TSGA10: variants seen among roughly 807,000 people sequenced by gnomAD.
The protein encoded by TSGA10 is testis-specific gene 10 protein.
Under a neutral mutation model 96.6 loss-of-function variants are expected in TSGA10, and 43 were observed. The ratio of observed to expected loss-of-function variants is 0.44; its 90% CI spans 0.35 to 0.57. The LOEUF (loss-of-function observed/expected upper bound fraction) is 0.57. TSGA10 is among the 20% of genes least tolerant of loss of function. TSGA10 has a pLI of 0.01. For missense variants in TSGA10, 703 were observed against 834.4 expected (o/e 0.84, Z 1.94); for synonymous variants, 229 against 269.9 (o/e 0.85, Z 1.48).
chr2:99,085,600 T>G (rs1455909509), intron 10 of TSGA10, among the ~76,000 whole-genome samples: 2 of 60,162 alleles, frequency 3.3e-5, no homozygotes, highest in East Asian at 6.3e-4. Flanking sequence ...CAGAGGGCAA[T>G]CCTGTCTTTA....
intron 11 of TSGA10, among the ~76,000 whole-genome samples, chr2:99,079,859 A>G (rs1207660300): frequency 6.6e-6 from 1 of 152,184 alleles, no homozygotes; most frequent in East Asian, 1.9e-4. Flanking sequence ...ATGGGAGATA[A>G]TACCATATTG....
chr2:99,133,408 C>T (rs2093186875), intron 1 of TSGA10, among the ~76,000 whole-genome samples: 1 of 151,980 alleles, frequency 6.6e-6, no homozygotes, highest in African/African-American at 2.4e-5. Flanking sequence ...GAACTGCAAC[C>T]CCTGCTTTTT....
intron 16 of TSGA10, among the ~76,000 whole-genome samples, chr2:99,045,647 C>T (rs2082691358): frequency 6.6e-6 from 1 of 152,144 alleles, no homozygotes; most frequent in South Asian, 2.1e-4. Context: ...TTGTAAAGAC[C>T]ATTGATGCTA....
chr2:98,998,284 A>G (rs1242722737), intron 20 of TSGA10, 63 bp from the exon 21 acceptor site: 5 of 1,376,210 alleles, frequency 3.6e-6, no homozygotes, highest in Admixed American at 2.0e-5. Flanking sequence ...ATGTGTAACA[A>G]ATTTATTCTA....
Position 98,997,975 on chromosome 2 carries a change from A to G in TSGA10, c.*222T>C. 2.2e-6 allele frequency: 1 copy of G among 454,630 alleles called. No homozygotes were observed. The highest frequency in any genetic ancestry group is 3.9e-6 in the Non-Finnish European group (1 of 258,078). 28.2% of individuals were successfully genotyped at this position (454,630 alleles called of 1,614,324 possible). On this transcript the variant is annotated 3_prime_UTR_variant, in exon 21 of 21. Transcript: ENST00000393483. ...GAAGTAAGCAGATTTTACACTCACT[A>G]TCACTGCATGGATAGAAAGAGCCAT...
intron 16 of TSGA10, among the ~76,000 whole-genome samples, chr2:99,042,518 C>T (rs976895222): frequency 6.6e-6 from 1 of 152,146 alleles, no homozygotes; most frequent in Non-Finnish European, 1.5e-5. Flanking sequence ...TGTAACATGG[C>T]TTGAAGCTGG....
chr2:99,035,827 T>C (rs546641021), intron 16 of TSGA10, among the ~76,000 whole-genome samples: 94 of 152,258 alleles, frequency 6.2e-4, no homozygotes, highest in Admixed American at 1.8e-3. Context: ...AAAACAAAAA[T>C]GCTAGCCACT....
chr2:99,115,231 C>T (rs2092155687), intron 4 of TSGA10, among the ~76,000 whole-genome samples: 1 of 151,960 alleles, frequency 6.6e-6, no homozygotes, highest in African/African-American at 2.4e-5. Context: ...CCATGCTTGG[C>T]CCAATTTTGA....
At chr2:99,098,219 C>T (rs2090280091) in intron 10 of TSGA10, among the ~76,000 whole-genome samples, 1 of 151,754 alleles carries the variant, frequency 6.6e-6, no homozygotes, top group Non-Finnish European at 1.5e-5. Flanking sequence ...GGGTGGATCA[C>T]GAGGTCAGGA....
chr2:99,106,560 A>T (rs959536878), intron 7 of TSGA10, among the ~76,000 whole-genome samples: 2 of 152,228 alleles, frequency 1.3e-5, no homozygotes, highest in South Asian at 2.1e-4. Flanking sequence ...CATTAAAAAA[A>T]AAAAGTCCCA....
chr2:99,081,450 T>C, intron 10 of TSGA10, 53 bp from the exon 11 acceptor site: 1 of 987,278 alleles, frequency 1.0e-6, no homozygotes, highest in Non-Finnish European at 1.5e-6. Flanking sequence ...TTTGTCATCT[T>C]GTAGTGTGTT....
intron 20 of TSGA10, among the ~76,000 whole-genome samples, chr2:99,012,386 A>G (rs953541905): frequency 6.6e-6 from 1 of 152,190 alleles, no homozygotes; most frequent in African/African-American, 2.4e-5. Flanking sequence ...AAAGATACGG[A>G]ATGGCAGAAT....
chr2:99,072,842 T>C (rs1009074425), intron 13 of TSGA10, among the ~76,000 whole-genome samples, 176 bp downstream of exon 13: 2 of 152,186 alleles, frequency 1.3e-5, no homozygotes, highest in African/African-American at 2.4e-5. Flanking sequence ...CCCCTTATTT[T>C]ACTTGGCAAA....
At chr2:99,069,086 G>A in intron 14 of TSGA10, 88 bp from the exon 15 acceptor site, 1 of 557,024 alleles carries the variant, frequency 1.8e-6, no homozygotes, top group South Asian at 5.1e-5. Context: ...TTAAACACTT[G>A]GAACAAATAA....
intron 10 of TSGA10, among the ~76,000 whole-genome samples, chr2:99,087,332 C>T (rs540879769): frequency 1.3e-4 from 20 of 152,002 alleles, no homozygotes; most frequent in African/African-American, 4.6e-4. Context: ...CGTGGAGAAA[C>T]CCTATCACTA....
At chr2:99,003,848 G>T (rs1365501925) in intron 20 of TSGA10, among the ~76,000 whole-genome samples, 1 of 152,110 alleles carries the variant, frequency 6.6e-6, no homozygotes, top group East Asian at 1.9e-4. Context: ...AGAGAAAGCA[G>T]GAAAGATCTA....
At chr2:99,052,150 A>G (rs2083457753) in intron 16 of TSGA10, among the ~76,000 whole-genome samples, 1 of 151,914 alleles carries the variant, frequency 6.6e-6, no homozygotes, top group Non-Finnish European at 1.5e-5. Flanking sequence ...AAATTATAAT[A>G]ATAAAGACTA....
intron 17 of TSGA10, 27 bp from the exon 18 acceptor site, chr2:99,020,509 A>G (rs1172094055): frequency 6.6e-6 from 10 of 1,512,642 alleles, no homozygotes; most frequent in Non-Finnish European, 3.7e-6. Context: ...AGATATCTAC[A>G]CTTATTCCCA....
intron 17 of TSGA10, among the ~76,000 whole-genome samples, chr2:99,023,501 G>A (rs939509996): frequency 6.6e-6 from 1 of 151,996 alleles, no homozygotes; most frequent in East Asian, 1.9e-4. Context: ...AGGTCACAAA[G>A]ATTTACTTCT....
Sources: allele counts gnomAD v4.1 joint callset (sites outside exome capture counted in the v4.1 genomes callset), GRCh38; gene constraint gnomAD v4.1.1; transcripts MANE v1.5; gene names NCBI Gene and HGNC (gene_info 2026-07-23, HGNC 2026-07-21).